ARRDC5: variants seen among roughly 807,000 people sequenced by gnomAD.
The protein encoded by ARRDC5 is arrestin domain containing 5.
In ARRDC5, 12 loss-of-function variants were observed where a neutral mutation model predicts 13.3. That is an observed-to-expected ratio of 0.90 (90% CI 0.58 to 1.46). The LOEUF (loss-of-function observed/expected upper bound fraction) is 1.46. Among genes scored for constraint, ARRDC5 ranks in the 40% most tolerant of loss-of-function variants. ARRDC5 has a pLI of 0.00. For synonymous variants in ARRDC5, 181 were observed against 173.4 expected, an observed-to-expected ratio of 1.04 and a Z score of -0.34; for missense variants, 406 against 418.7, an observed-to-expected ratio of 0.97 and a Z score of 0.26.
In ARRDC5 at chr19:4,902,789, C is replaced by G; in HGVS notation, c.37G>C (p.Glu13Gln). Residue 13 changes from glutamate (E) to glutamine (Q), a missense_variant, in exon 1 of 3, where the codon GAG becomes CAG. Physicochemically the swap from Glu to Gln is conservative, Grantham distance 29. Transcript: ENST00000650722. ...GAGCCAGCCAGGTAGATTCTATCCT[C>G]GGGCAGCACTAATTCGATCGACTTC... ...VVKSIELVLPEDRIYLAGSSI... is the reference protein window; with the variant it reads ...VVKSIELVLPQDRIYLAGSSI... 1.2e-6 allele frequency: 2 copies of G among 1,613,950 alleles called. No individual in the cohort carries two copies. The highest frequency in any genetic ancestry group is 1.7e-6 in the Non-Finnish European group (2 of 1,179,878).
the ARRDC5 span, among the ~76,000 whole-genome samples, chr19:4,914,155 C>A: frequency 6.6e-6 from 1 of 152,050 alleles, no homozygotes; most frequent in South Asian, 2.1e-4. Context: ...GAGATCGTGT[C>A]GTTGCTTCTG....
At chr19:4,910,264 C>T in the ARRDC5 span, 1,202 of 143,774 alleles carry the variant, frequency 8.4e-3, 11 homozygotes, top group Middle Eastern at 0.016. Flanking sequence ...GCGGGGCGCG[C>T]GCGCTCGCGG....
chr19:4,896,987 C>CAAAAATA, intron 1 of ARRDC5, 111 bp from the exon 2 acceptor site: 1 of 733,166 alleles, frequency 1.4e-6, no homozygotes, highest in Non-Finnish European at 2.2e-6. Flanking sequence ...GACACGGTCT[C>CAAAAATA]ACTCTGTCAC....
At position 4,891,076 on chromosome 19, in the gene ARRDC5, C is replaced by T. The variant is rs779382244; in HGVS notation, c.957G>A (p.Val319=). The change falls in exon 3 of 3, where the codon GTG becomes GTA. Residue 319 remains valine (V), a synonymous_variant. Transcript: ENST00000650722. Reference sequence around the variant, plus strand: ...TCTGGTGATCTGGGTTCACGGGTAACACTCCGTCCTCTGACAGCTGGCAGA... The same window carrying T: ...TCTGGTGATCTGGGTTCACGGGTAATACTCCGTCCTCTGACAGCTGGCAGA... ...SAICQLSEDG[V]LPVNPDHQN 1.9e-6 allele frequency: 3 copies of T among 1,613,350 alleles called. No homozygotes were observed. The East Asian group carries it at 6.7e-5, about 36-fold the overall frequency.
chr19:4,911,318 A>G, the ARRDC5 span, among the ~76,000 whole-genome samples: 1 of 152,240 alleles, frequency 6.6e-6, no homozygotes, highest in South Asian at 2.1e-4. Flanking sequence ...GCCTCAAAAT[A>G]ATGGCTAGAG....
chr19:4,907,333 G>A (rs1374186126), upstream of ARRDC5, among the ~76,000 whole-genome samples: 1 of 151,966 alleles, frequency 6.6e-6, no homozygotes, highest in African/African-American at 2.4e-5. Flanking sequence ...GCAGTGGCAC[G>A]ATCTCTGCTC....
chr19:4,904,228 G>A (rs2032014255), upstream of ARRDC5, among the ~76,000 whole-genome samples: 1 of 152,028 alleles, frequency 6.6e-6, no homozygotes, highest in Non-Finnish European at 1.5e-5. Context: ...ACCCAGGCTG[G>A]AGTGCAGTGG....
At chr19:4,912,012 T>G in the ARRDC5 span, among the ~76,000 whole-genome samples, 1 of 152,196 alleles carries the variant, frequency 6.6e-6, no homozygotes, top group Admixed American at 6.6e-5. Context: ...CAGGGGTTTT[T>G]GGGGGCTGGG....
At chr19:4,902,363 C>T (rs966799306) in intron 1 of ARRDC5, among the ~76,000 whole-genome samples, 3 of 152,280 alleles carry the variant, frequency 2.0e-5, no homozygotes, top group East Asian at 3.9e-4. Flanking sequence ...TTTTGAATAT[C>T]GGGGTTCCGA....
chr19:4,894,233 C>T (rs545859410), intron 2 of ARRDC5, among the ~76,000 whole-genome samples: 2 of 150,664 alleles, frequency 1.3e-5, no homozygotes, highest in African/African-American at 2.4e-5. Flanking sequence ...AAAAATTGGC[C>T]GGGCGCGGTG....
At chr19:4,911,069 G>T in the ARRDC5 span, 2 of 1,513,154 alleles carry the variant, frequency 1.3e-6, no homozygotes, top group East Asian at 2.4e-5. Context: ...TTTGTTCTAT[G>T]CCTGGTCCAG....
the ARRDC5 span, among the ~76,000 whole-genome samples, chr19:4,908,970 G>A: frequency 5.3e-5 from 8 of 152,260 alleles, no homozygotes; most frequent in African/African-American, 1.7e-4. Context: ...GCGGGAAAAC[G>A]AGGCGGGAAA....
At chr19:4,896,980 A>T in intron 1 of ARRDC5, 104 bp from the exon 2 acceptor site, 1 of 774,926 alleles carries the variant, frequency 1.3e-6, no homozygotes. Flanking sequence ...TTTTTGAGAC[A>T]CGGTCTCACT....
rs751160875 is a variant in ARRDC5, at chr19:4,891,258, G to T, written c.775C>A (p.Leu259Met). 8 of 1,613,994 alleles carry T rather than the reference G, an allele frequency of 5.0e-6. No individual in the cohort carries two copies. The highest frequency in any genetic ancestry group is 3.3e-5 in the Admixed American group (2 of 60,002). ...NTTKVVSTFN[L>M]PLLLSVSSST... Reference sequence around the variant, plus strand: ...CTGCTCACGGACAGCAGCAACGGCAGGTTGAAGGTGCTGACAACCTTGGTG... The same window carrying T: ...CTGCTCACGGACAGCAGCAACGGCATGTTGAAGGTGCTGACAACCTTGGTG... Residue 259 changes from leucine (L) to methionine (M), a missense_variant, in exon 3 of 3, where the codon CTG becomes ATG. Physicochemically the swap from Leu to Met is conservative, Grantham distance 15. Transcript: ENST00000650722.
In ARRDC5 at chr19:4,896,256, A is replaced by T. The variant is rs559936166; in HGVS notation, c.459+415T>A. On this transcript the variant is annotated intron_variant, in intron 2 of 2. Coordinates refer to ENST00000650722, the MANE Select transcript of ARRDC5 (RefSeq NM_001080523.3). ...CTTGAACCTGGGAGGCGGAGGTTAC[A>T]GTGAGCCGAGATCATGCCTCTGCAC... 4.6e-5 allele frequency among the ~76,000 whole-genome samples: 6 copies of T among 131,650 alleles called. No individual in the cohort carries two copies. The East Asian group carries it at 2.0e-3, about 43-fold the overall frequency. The allele number at this position is 131,650 out of a possible 152,430, so 86.4% of individuals were successfully genotyped here. A position where few individuals can be genotyped will look rare whatever the true frequency, so the allele number is the denominator to read the frequency against.
At position 4,902,866 on chromosome 19, in the gene ARRDC5, A is replaced by G; in HGVS notation, c.-41T>C. On this transcript the variant is annotated 5_prime_UTR_variant, in exon 1 of 3. An upstream start codon of the reference 5' UTR is lost. Coordinates refer to ENST00000650722, the MANE Select transcript of ARRDC5 (RefSeq NM_001080523.3). ...AGAGAGACATTCCTCTCTGTCCCCC[A>G]TGTCCCTGAAATTCCCGGTTCGTTG... 1.2e-6 allele frequency: 2 copies of G among 1,612,688 alleles called. No individual in the cohort carries two copies. The highest frequency in any genetic ancestry group is 1.7e-6 in the Non-Finnish European group (2 of 1,179,164).
chr19:4,910,488 C>G, the ARRDC5 span: 1 of 161,022 alleles, frequency 6.2e-6, no homozygotes, highest in African/African-American at 2.4e-5. Context: ...CTGGGATTCC[C>G]TCTTCCGTAA....
upstream of ARRDC5, among the ~76,000 whole-genome samples, chr19:4,906,180 C>T (rs1209691790): frequency 6.6e-6 from 1 of 152,060 alleles, no homozygotes; most frequent in Non-Finnish European, 1.5e-5. Context: ...GTTCTCACTA[C>T]GTTGCCCAAG....
At chr19:4,905,799 G>A (rs982836592), upstream of ARRDC5, among the ~76,000 whole-genome samples, 2 of 152,192 alleles carry the variant, frequency 1.3e-5, no homozygotes, top group African/African-American at 4.8e-5. Flanking sequence ...TTACAGGCGT[G>A]AGCCACTGTG....
Sources: gnomAD v4.1 joint callset for allele counts (sites outside exome capture counted in the v4.1 genomes callset) on GRCh38, gnomAD v4.1.1 for gene constraint, MANE v1.5 for transcripts, NCBI Gene and HGNC (gene_info 2026-07-23, HGNC 2026-07-21) for gene names.